CAPN2: variants seen among roughly 807,000 people sequenced by gnomAD.
CAPN2 encodes the protein calpain 2, also known as calpain-2 catalytic subunit.
CAPN2 carries 92 observed loss-of-function variants against 102.3 expected under a neutral mutation model. That is an observed-to-expected ratio of 0.90 (90% CI 0.76 to 1.07). The LOEUF (loss-of-function observed/expected upper bound fraction) is 1.07, where lower values mean the gene tolerates loss of function less well. Ranked by LOEUF, CAPN2 falls within the 50% of genes least tolerant of loss-of-function variation. The pLI, the probability that CAPN2 is intolerant of heterozygous loss-of-function variation, is 0.00. For synonymous variants in CAPN2, 340 were observed against 355.4 expected (o/e 0.96, Z 0.49); for missense variants, 800 against 909.4 (o/e 0.88, Z 1.55).
At chr1:223,757,564 G>A in intron 11 of CAPN2, 184 bp downstream of exon 11, 1 of 630,898 alleles carries the variant, frequency 1.6e-6, no homozygotes, top group Non-Finnish European at 2.8e-6. Context: ...CTAAGCTCTG[G>A]GCAAGGTTTC....
chr1:223,742,514 ATATATTT>A (rs1423648081), intron 2 of CAPN2, among the ~76,000 whole-genome samples: 5 of 109,502 alleles, frequency 4.6e-5, no homozygotes, highest in African/African-American at 2.1e-4. Flanking sequence ...ATATATATAT[ATATATTT>A]TTTTTTTTTT....
intron 3 of CAPN2, 40 bp from the exon 4 acceptor site, chr1:223,745,266 C>T (rs780619582): frequency 5.0e-6 from 8 of 1,613,030 alleles, no homozygotes; most frequent in East Asian, 4.5e-5. Flanking sequence ...CCCAGTGCTG[C>T]CACCAGCTCC....
At chr1:223,723,850 C>T (rs1321599021) in intron 2 of CAPN2, among the ~76,000 whole-genome samples, 1 of 103,242 alleles carries the variant, frequency 9.7e-6, no homozygotes, top group Non-Finnish European at 1.9e-5. Flanking sequence ...CAGTGGGACC[C>T]CCTTCAAGAA....
chr1:223,729,379 AG>A (rs1174354132), intron 2 of CAPN2, among the ~76,000 whole-genome samples: 1 of 152,222 alleles, frequency 6.6e-6, no homozygotes, highest in African/African-American at 2.4e-5. Flanking sequence ...AAGGTAGGCT[AG>A]GCTAAGCTAT....
intron 2 of CAPN2, among the ~76,000 whole-genome samples, chr1:223,737,259 T>G (rs1252104152): frequency 1.3e-5 from 2 of 152,030 alleles, no homozygotes; most frequent in African/African-American, 4.8e-5. Context: ...GCCAGTTGAG[T>G]GTCTTCCAGG....
At chr1:223,718,686 G>C (rs1210506077) in intron 2 of CAPN2, among the ~76,000 whole-genome samples, 1 of 152,174 alleles carries the variant, frequency 6.6e-6, no homozygotes, top group African/African-American at 2.4e-5. Flanking sequence ...CAGCTGGCTG[G>C]CTCCCCAGAC....
Position 223,774,878 on chromosome 1 carries a change from A to C in CAPN2, c.*21A>C, listed in dbSNP as rs1661574629. ...TTTGAAGTTATAACTAATCTGCCTG[A>C]AGACTTCTCATGATGGAAAATCAGC... On this transcript the variant is annotated 3_prime_UTR_variant, in exon 21 of 21. Coordinates refer to ENST00000295006, the MANE Select transcript of CAPN2 (RefSeq NM_001748.5). The C allele has an allele frequency of 3.1e-6, 5 of 1,607,314 alleles. No homozygotes were observed. Among genetic ancestry groups the C allele is most frequent in the African/African-American group, 1.3e-5 (1 of 74,798 alleles).
intron 2 of CAPN2, among the ~76,000 whole-genome samples, chr1:223,739,545 C>G (rs1232950612): frequency 2.6e-5 from 4 of 152,078 alleles, no homozygotes; most frequent in Non-Finnish European, 5.9e-5. Context: ...AACATTCCCC[C>G]CGGAGAGGAA....
chr1:223,741,421 GTATATATATATATAATGTGTATA>G lies in CAPN2; in HGVS notation c.308-2664_308-2642del, dbSNP rs1473777983. ...CTTTTTGAATCTTTGGCTGTAAAAT[GTATATATATATATAATGTGTATA>G]TATATATATATATATATATATATAT... On this transcript the variant is annotated intron_variant, in intron 2 of 20. Transcript: ENST00000295006. Among the ~76,000 whole-genome samples, 1,080 of 128,472 alleles carry G rather than the reference GTATATATATATATAATGTGTATA, an allele frequency of 8.4e-3. 53 individuals are homozygous for G. The highest frequency in any genetic ancestry group is 0.03 in the African/African-American group (943 of 31,560). The allele number at this position is 128,472 out of a possible 152,430, so 84.3% of individuals were successfully genotyped here.
At chr1:223,758,837 C>G in intron 11 of CAPN2, 1 of 250,530 alleles carries the variant, frequency 4.0e-6, no homozygotes, top group Non-Finnish European at 7.8e-6. Context: ...AGACTACAGG[C>G]GCTTGCCGCC....
intron 6 of CAPN2, among the ~76,000 whole-genome samples, chr1:223,750,124 C>T (rs1660849946): frequency 6.6e-6 from 1 of 152,024 alleles, no homozygotes; most frequent in African/African-American, 2.4e-5. Flanking sequence ...TTTAACTACC[C>T]CCTCACACAC....
chr1:223,727,753 G>C lies in CAPN2; in HGVS notation c.307+9922G>C, dbSNP rs1002850406. Among the ~76,000 whole-genome samples, 3 of 152,216 alleles carry C rather than the reference G, an allele frequency of 2.0e-5. No individual in the cohort carries two copies. The highest frequency in any genetic ancestry group is 2.9e-5 in the Non-Finnish European group (2 of 68,036). The stretch of plus-strand genomic sequence containing the variant: ...CAGCATTGCTGGGATATTTGAGCCT[G>C]TGGGAGGGGAGCTTCAAGCTTCCCA... On this transcript the variant is annotated intron_variant, in intron 2 of 20. Transcript: ENST00000295006. This position sits in a 1 kb window ranked among gnomAD's most constrained non-coding sequence, Gnocchi z 4.1.
chr1:223,745,827 G>C (rs981335681), intron 4 of CAPN2, among the ~76,000 whole-genome samples: 3 of 152,224 alleles, frequency 2.0e-5, no homozygotes, highest in African/African-American at 7.2e-5. Flanking sequence ...ACTTGAGAAG[G>C]AGCTCTACTT....
At chr1:223,721,945 C>G (rs550638684) in intron 2 of CAPN2, among the ~76,000 whole-genome samples, 43 of 152,294 alleles carry the variant, frequency 2.8e-4, no homozygotes, top group South Asian at 4.1e-4. Flanking sequence ...ATTATCATTA[C>G]TGATTCCAGT....
rs370671262 is a variant in CAPN2, at chr1:223,769,941, T to G, written c.1824+32T>G. On this transcript the variant is annotated intron_variant, in intron 17 of 20. Coordinates refer to ENST00000295006, the MANE Select transcript of CAPN2 (RefSeq NM_001748.5). ...TCCCAGAGATGCGGGTGGATCTGTGTTGGGAAACATTCTGTTCATATGCTT... is the reference window on the plus strand; with the variant it reads ...TCCCAGAGATGCGGGTGGATCTGTGGTGGGAAACATTCTGTTCATATGCTT... 24 of 1,502,022 alleles carry G rather than the reference T, an allele frequency of 1.6e-5. No homozygotes were observed. The African/African-American group carries it at 3.2e-4, about 20-fold the overall frequency. The allele number at this position is 1,502,022 out of a possible 1,614,324, so 93.0% of individuals were successfully genotyped here.
rs1388559252 is a variant in CAPN2, at chr1:223,772,174, T to C, written c.2021-7T>C. 6.2e-7 allele frequency: 1 copy of C among 1,613,834 alleles called. No homozygotes were observed. The highest frequency in any genetic ancestry group is 8.5e-7 in the Non-Finnish European group (1 of 1,179,758). ...ACTTGTGACACCCTCTTTTTCTCCC[T>C]CCACAGAGATATTTAAGCAGCTGGA... is the stretch of plus-strand genomic sequence containing the variant. On this transcript the variant is annotated splice_region_variant and splice_polypyrimidine_tract_variant and intron_variant, in intron 19 of 20. Coordinates refer to ENST00000295006, the MANE Select transcript of CAPN2 (RefSeq NM_001748.5).
At position 223,755,763 on chromosome 1, in the gene CAPN2, G is replaced by A; in HGVS notation, c.1305+114G>A. 8.8e-7 allele frequency: 1 copy of A among 1,140,406 alleles called. No individual in the cohort carries two copies. Among genetic ancestry groups the A allele is most frequent in the East Asian group, 2.7e-5 (1 of 36,772 alleles). 70.6% of individuals were successfully genotyped at this position (1,140,406 alleles called of 1,614,324 possible). ...GATGGGATCCCAGACCGGGAGCTTG[G>A]CCAAGGAAAAACAAAACTACCAGCC... On this transcript the variant is annotated intron_variant, in intron 10 of 20. Transcript: ENST00000295006. The surrounding 1 kb of genome is among the most constrained non-coding windows in gnomAD (Gnocchi z 4.1).
intron 1 of CAPN2, among the ~76,000 whole-genome samples, chr1:223,716,658 G>A (rs1428533895): frequency 6.6e-6 from 1 of 151,882 alleles, no homozygotes; most frequent in Non-Finnish European, 1.5e-5. Context: ...GCAGGCGTGT[G>A]CAACCCAAGC....
chr1:223,761,109 C>T (rs1489473170), intron 12 of CAPN2, among the ~76,000 whole-genome samples: 3 of 152,242 alleles, frequency 2.0e-5, no homozygotes, highest in South Asian at 2.1e-4. Flanking sequence ...ATGATTTGCA[C>T]TGCATGATTC....
Sources: gnomAD v4.1 joint callset for allele counts (sites outside exome capture counted in the v4.1 genomes callset) on GRCh38, gnomAD v4.1.1 for gene constraint, Gnocchi (gnomAD v3.1) non-coding constraint, MANE v1.5 for transcripts, NCBI Gene and HGNC (gene_info 2026-07-23, HGNC 2026-07-21) for gene names.